The following SNX29 variants were observed in gnomAD, a reference collection of about 807,000 sequenced individuals.
The protein encoded by SNX29 is sorting nexin 29, also known as sorting nexin-29.
SNX29 carries 78 observed loss-of-function variants against 102.1 expected under a neutral mutation model. That is an observed-to-expected ratio of 0.76 (90% CI 0.64 to 0.92). The LOEUF is 0.92. Ranked by LOEUF, SNX29 falls within the 40% of genes least tolerant of loss-of-function variation. SNX29 has a pLI of 0.00. For synonymous variants in SNX29, 580 were observed against 414.5 expected, an observed-to-expected ratio of 1.40 and a Z score of -4.85; for missense variants, 1,280 against 1,061.7, an observed-to-expected ratio of 1.21 and a Z score of -2.86.
intron 18 of SNX29, among the ~76,000 whole-genome samples, chr16:12,463,033 C>G (rs555560415): frequency 1.3e-5 from 2 of 152,216 alleles, no homozygotes; most frequent in African/African-American, 4.8e-5. Context: ...AGCTGCCTCA[C>G]GTGGACTCAG....
At chr16:12,327,726 G>A (rs550084563) in intron 15 of SNX29, among the ~76,000 whole-genome samples, 3 of 127,394 alleles carry the variant, frequency 2.4e-5, no homozygotes, top group Admixed American at 1.8e-4. Context: ...AAACAGAGCC[G>A]GAGAGAGACA....
At chr16:12,076,144 T>G (rs1339885304) in intron 10 of SNX29, among the ~76,000 whole-genome samples, 1 of 152,196 alleles carries the variant, frequency 6.6e-6, no homozygotes, top group Non-Finnish European at 1.5e-5. Flanking sequence ...CTCACCCTGC[T>G]TTGGCTGGTG....
chr16:12,488,400 C>T (rs1021455829), intron 19 of SNX29, among the ~76,000 whole-genome samples: 1 of 152,092 alleles, frequency 6.6e-6, no homozygotes, highest in African/African-American at 2.4e-5. Flanking sequence ...CATACTCCAT[C>T]GCATCACGGT....
At chr16:12,285,325 C>A (rs1416116135) in intron 15 of SNX29, among the ~76,000 whole-genome samples, 1 of 152,160 alleles carries the variant, frequency 6.6e-6, no homozygotes, top group Non-Finnish European at 1.5e-5. Flanking sequence ...ATTGCCAGTC[C>A]ATCCTCTGCA....
At chr16:12,380,671 A>C (rs1597156338) in intron 16 of SNX29, among the ~76,000 whole-genome samples, 5 of 45,246 alleles carry the variant, frequency 1.1e-4, no homozygotes, top group Non-Finnish European at 1.4e-4. Flanking sequence ...CCCACCCACC[A>C]TCCATCCATC....
Position 12,504,846 on chromosome 16 carries a change from C to T in SNX29, c.2179-19856C>T, listed in dbSNP as rs2089300330. Among the ~76,000 whole-genome samples, 3 of 152,174 alleles carry T rather than the reference C, an allele frequency of 2.0e-5. 1 individual carries two copies. The South Asian group carries it at 6.2e-4, about 32-fold the overall frequency. ...ATCCCCTGGGGGTCTTGGAATGTATCCTGTGGATAAGCGGGACCACTGTAC... is the reference window on the plus strand; with the variant it reads ...ATCCCCTGGGGGTCTTGGAATGTATTCTGTGGATAAGCGGGACCACTGTAC... On this transcript the variant is annotated intron_variant, in intron 19 of 20. Coordinates refer to ENST00000566228, the MANE Select transcript of SNX29 (RefSeq NM_032167.5).
At chr16:12,556,005 G>A (rs1318882299) in intron 20 of SNX29, among the ~76,000 whole-genome samples, 1 of 151,994 alleles carries the variant, frequency 6.6e-6, no homozygotes, top group African/African-American at 2.4e-5. Flanking sequence ...TTGTTCACTT[G>A]TCCTGTGGAC....
At chr16:12,099,637 G>T (rs1336358366) in intron 11 of SNX29, among the ~76,000 whole-genome samples, 1 of 152,196 alleles carries the variant, frequency 6.6e-6, no homozygotes, top group African/African-American at 2.4e-5. Context: ...AGGAAGCCCA[G>T]TTCTGACCAT....
At chr16:12,379,780 C>G (rs1214821975) in intron 16 of SNX29, among the ~76,000 whole-genome samples, 2 of 152,116 alleles carry the variant, frequency 1.3e-5, no homozygotes, top group African/African-American at 4.8e-5. Context: ...GGTCAGGGCT[C>G]TAATTGAGGG....
rs550086591 is a variant in SNX29, at chr16:12,517,082, G to C, written c.2179-7620G>C. 4.6e-4 allele frequency among the ~76,000 whole-genome samples: 70 copies of C among 152,306 alleles called. 1 individual carries two copies. Among genetic ancestry groups the C allele is most frequent in the African/African-American group, 1.5e-3 (61 of 41,566 alleles). On this transcript the variant is annotated intron_variant, in intron 19 of 20. Transcript: ENST00000566228. ...CAACTCCCAGTGCCGTCTATGAATA[G>C]CTCTCAGGCATCATTGACGATGGCG...
intron 15 of SNX29, among the ~76,000 whole-genome samples, chr16:12,280,996 C>G (rs1830400632): frequency 6.6e-6 from 1 of 152,182 alleles, no homozygotes; most frequent in Non-Finnish European, 1.5e-5. Context: ...CAGCCTCAAC[C>G]TCCCCGGCTC....
chr16:12,454,502 A>T (rs984498040), intron 18 of SNX29, among the ~76,000 whole-genome samples: 1 of 152,194 alleles, frequency 6.6e-6, no homozygotes, highest in South Asian at 2.1e-4. Flanking sequence ...TTAGGGACTT[A>T]TAGTCAACAG....
rs777164767 is a variant in SNX29 at position 12,568,679 on chromosome 16, C to CA, written c.*51dup. ...CCCTGTGCGTGGCACCAGCTGCGTCCACCCCAGCCACTGCCGCTGGCCCCT... is the reference window on the plus strand; with the variant it reads ...CCCTGTGCGTGGCACCAGCTGCGTCCAACCCCAGCCACTGCCGCTGGCCCCT... On this transcript the variant is annotated 3_prime_UTR_variant, in exon 21 of 21. Coordinates refer to ENST00000566228, the MANE Select transcript of SNX29 (RefSeq NM_032167.5). The CA allele has an allele frequency of 6.3e-7, 1 of 1,583,608 alleles. No homozygotes were observed. The highest frequency in any genetic ancestry group is 8.5e-7 in the Non-Finnish European group (1 of 1,170,644).
intron 13 of SNX29, among the ~76,000 whole-genome samples, chr16:12,167,426 C>T (rs2076041974): frequency 6.6e-6 from 1 of 152,152 alleles, no homozygotes; most frequent in Non-Finnish European, 1.5e-5. Context: ...TTTCTTGTTC[C>T]TTCCCTGAGC....
intron 7 of SNX29, among the ~76,000 whole-genome samples, chr16:12,049,306 C>T (rs62037739): frequency 0.4 from 59,740 of 151,234 alleles, 12,468 homozygotes; most frequent in Middle Eastern, 0.5. Context: ...CTGGGCAATG[C>T]AGTGAGACCC....
chr16:11,976,937 C>CT, intron 1 of SNX29, 124 bp downstream of exon 1: 1 of 1,203,910 alleles, frequency 8.3e-7, no homozygotes, highest in East Asian at 3.2e-5. Context: ...CAGTCGCTCC[C>CT]TTTTCCAGAC....
intron 4 of SNX29, among the ~76,000 whole-genome samples, chr16:12,041,016 T>G (rs2049858669): frequency 6.6e-6 from 1 of 152,168 alleles, no homozygotes; most frequent in South Asian, 2.1e-4. Context: ...TTCACCATTT[T>G]GGCCAGGATG....
intron 18 of SNX29, among the ~76,000 whole-genome samples, chr16:12,459,076 C>A (rs1349036217): frequency 8.2e-6 from 1 of 121,994 alleles, no homozygotes; most frequent in Non-Finnish European, 1.7e-5. Context: ...TCCTCCTCCC[C>A]GGTCCACTCC....
At chr16:12,540,878 C>G (rs1011528366) in intron 20 of SNX29, among the ~76,000 whole-genome samples, 1 of 152,220 alleles carries the variant, frequency 6.6e-6, no homozygotes, top group Non-Finnish European at 1.5e-5. Context: ...TTTTCCACTT[C>G]TGGACCCAGA....
Sources: allele counts gnomAD v4.1 joint callset (sites outside exome capture counted in the v4.1 genomes callset), GRCh38; gene constraint gnomAD v4.1.1; transcripts MANE v1.5; gene names NCBI Gene and HGNC (gene_info 2026-07-23, HGNC 2026-07-21).